The following CCSER1 variants were observed in gnomAD, a reference collection of about 807,000 sequenced individuals.
CCSER1 encodes the protein coiled-coil serine rich protein 1.
Under a neutral mutation model 82.0 loss-of-function variants are expected in CCSER1, and 41 were observed. The ratio of observed to expected loss-of-function variants is 0.50; its 90% CI spans 0.39 to 0.65. The LOEUF (loss-of-function observed/expected upper bound fraction) is 0.65, where lower values mean the gene tolerates loss of function less well. CCSER1 is among the 30% of genes least tolerant of loss of function. The pLI, the probability that CCSER1 is intolerant of heterozygous loss-of-function variation, is 0.00. For synonymous variants in CCSER1, 414 were observed against 383.9 expected (o/e 1.08, Z -0.92); for missense variants, 1,119 against 1,064.2 (o/e 1.05, Z -0.72).
At chr4:90,564,813 T>G (rs530353457) in intron 5 of CCSER1, among the ~76,000 whole-genome samples, 33 of 152,290 alleles carry the variant, frequency 2.2e-4, no homozygotes, top group African/African-American at 7.0e-4. Context: ...GGCTCCTTTG[T>G]TGAAAATCAG....
intron 7 of CCSER1, among the ~76,000 whole-genome samples, chr4:90,725,956 T>A (rs1743562041): frequency 6.6e-6 from 1 of 151,992 alleles, no homozygotes; most frequent in African/African-American, 2.4e-5. Context: ...ATATTTCATG[T>A]TAGTATTAGA....
intron 8 of CCSER1, among the ~76,000 whole-genome samples, chr4:90,816,527 A>G (rs539510674): frequency 3.7e-4 from 57 of 152,176 alleles, no homozygotes; most frequent in Non-Finnish European, 6.8e-4. Flanking sequence ...GTATTTTGCA[A>G]TAAAATGTGC....
At chr4:91,377,643 A>G (rs957018112) in intron 10 of CCSER1, among the ~76,000 whole-genome samples, 1 of 151,966 alleles carries the variant, frequency 6.6e-6, no homozygotes, top group African/African-American at 2.4e-5. Flanking sequence ...GAGATTCTGG[A>G]TATTAGCCCT....
chr4:90,593,384 G>A (rs994880064), intron 5 of CCSER1, among the ~76,000 whole-genome samples: 1 of 152,112 alleles, frequency 6.6e-6, no homozygotes, highest in African/African-American at 2.4e-5. Context: ...AACAAAAGCA[G>A]AGACTAATTG....
intron 10 of CCSER1, among the ~76,000 whole-genome samples, chr4:91,092,039 T>C (rs528116665): frequency 1.3e-3 from 191 of 152,302 alleles, no homozygotes; most frequent in African/African-American, 4.5e-3. Flanking sequence ...GGGAGTATCC[T>C]GTTTTCTTAG....
chr4:90,251,103 G>A (rs1402998711), intron 1 of CCSER1, among the ~76,000 whole-genome samples: 1 of 151,846 alleles, frequency 6.6e-6, no homozygotes, highest in Non-Finnish European at 1.5e-5. Context: ...ATGTGTATGT[G>A]TGTTCCTTAG....
intron 8 of CCSER1, among the ~76,000 whole-genome samples, chr4:90,849,735 G>A (rs1278590081): frequency 6.7e-6 from 1 of 148,940 alleles, no homozygotes; most frequent in African/African-American, 2.5e-5. Context: ...CTTGCAGTGA[G>A]CCGTGATCGT....
At chr4:90,864,340 C>A (rs956960921) in intron 8 of CCSER1, among the ~76,000 whole-genome samples, 1 of 151,972 alleles carries the variant, frequency 6.6e-6, no homozygotes, top group Non-Finnish European at 1.5e-5. Context: ...TTGGAAACAA[C>A]CTCCAATGCA....
intron 8 of CCSER1, among the ~76,000 whole-genome samples, chr4:90,877,161 G>C (rs1200710746): frequency 6.6e-6 from 1 of 152,040 alleles, no homozygotes; most frequent in Non-Finnish European, 1.5e-5. Flanking sequence ...GCCTTATAAG[G>C]TGCAGGTAAA....
chr4:90,761,745 G>A (rs952206155), intron 7 of CCSER1, among the ~76,000 whole-genome samples: 8 of 152,088 alleles, frequency 5.3e-5, no homozygotes, highest in South Asian at 4.1e-4. Flanking sequence ...TGGGTTAGGC[G>A]TTCATTAAAT....
chr4:90,996,277 A>T (rs545708371), intron 9 of CCSER1, among the ~76,000 whole-genome samples: 1 of 152,208 alleles, frequency 6.6e-6, no homozygotes, highest in South Asian at 2.1e-4. Context: ...GCAATCTTTA[A>T]CTTTCTGTTT....
chr4:90,425,349 C>T (rs986179687), intron 4 of CCSER1, among the ~76,000 whole-genome samples: 12 of 152,036 alleles, frequency 7.9e-5, no homozygotes, highest in African/African-American at 2.9e-4. Context: ...AGAGAGTATT[C>T]AAGAGTTTCA....
intron 1 of CCSER1, among the ~76,000 whole-genome samples, chr4:90,160,896 G>A (rs1029523129): frequency 6.6e-6 from 1 of 152,154 alleles, no homozygotes; most frequent in African/African-American, 2.4e-5. Context: ...CCAAGTGTAT[G>A]TCTAAGTCAT....
At chr4:91,276,084 G>C (rs1461063791) in intron 10 of CCSER1, among the ~76,000 whole-genome samples, 1 of 151,964 alleles carries the variant, frequency 6.6e-6, no homozygotes, top group African/African-American at 2.4e-5. Flanking sequence ...TTTGAAATCA[G>C]TTAGTATGTT....
Position 91,448,215 on chromosome 4 carries a change from A to G in CCSER1, c.2218-150357A>G, listed in dbSNP as rs561884277. Reference sequence around the variant, plus strand: ...TAATGTTTGTCTTTCAAATTTTCAAATATTTCTATTTGACAGACTAATTTC... The same window carrying G: ...TAATGTTTGTCTTTCAAATTTTCAAGTATTTCTATTTGACAGACTAATTTC... On this transcript the variant is annotated intron_variant, in intron 10 of 10. Transcript: ENST00000509176. 7.2e-5 allele frequency among the ~76,000 whole-genome samples: 11 copies of G among 152,194 alleles called. No homozygotes were observed. The East Asian group carries it at 2.1e-3, about 29-fold the overall frequency.
At chr4:91,389,907 G>T (rs1296109416) in intron 10 of CCSER1, among the ~76,000 whole-genome samples, 1 of 151,926 alleles carries the variant, frequency 6.6e-6, no homozygotes, top group African/African-American at 2.4e-5. Flanking sequence ...AAAAGCAGAT[G>T]ATTTTGTATA....
chr4:90,571,612 G>A (rs1780127832), intron 5 of CCSER1, among the ~76,000 whole-genome samples: 1 of 152,138 alleles, frequency 6.6e-6, no homozygotes, highest in South Asian at 2.1e-4. Context: ...GGGAGGAACG[G>A]GGGCAAGTGC....
At chr4:91,401,159 G>C (rs1752291634) in intron 10 of CCSER1, among the ~76,000 whole-genome samples, 1 of 151,348 alleles carries the variant, frequency 6.6e-6, no homozygotes, top group African/African-American at 2.4e-5. Context: ...CATCTAAATA[G>C]ATACCCATTT....
intron 9 of CCSER1, among the ~76,000 whole-genome samples, chr4:90,961,078 C>T (rs1324870444): frequency 6.6e-6 from 1 of 152,136 alleles, no homozygotes; most frequent in East Asian, 1.9e-4. Flanking sequence ...CTAATGTTGA[C>T]AAACTCTTAG....
Sources: gnomAD v4.1 joint callset for allele counts (sites outside exome capture counted in the v4.1 genomes callset) on GRCh38, gnomAD v4.1.1 for gene constraint, MANE v1.5 for transcripts, NCBI Gene and HGNC (gene_info 2026-07-23, HGNC 2026-07-21) for gene names.